KIF4A: variants seen among roughly 807,000 people sequenced by gnomAD.
KIF4A encodes the protein kinesin family member 4A.
In KIF4A, 7 loss-of-function variants were observed where a neutral mutation model predicts 105.9. The observed-to-expected ratio is 0.07, with a 90% CI of 0.04 to 0.12. KIF4A has a LOEUF of 0.12. Among genes scored for constraint, KIF4A ranks in the 10% least tolerant of loss-of-function variants. The probability of loss-of-function intolerance (pLI) is 1.00; values close to 1 mark genes in which losing one functional copy is unlikely to be tolerated. For missense variants in KIF4A, 558 were observed against 929.2 expected (o/e 0.60, Z 5.19); for synonymous variants, 281 against 331.3 (o/e 0.85, Z 1.65).
chrX:70,343,135 T>C (rs745784409), intron 11 of KIF4A, among the ~76,000 whole-genome samples: 1 of 111,623 alleles, frequency 9.0e-6, no homozygotes, highest in African/African-American at 3.2e-5. Context: ...GTACCCTTTT[T>C]CTTGCTGTCT....
intron 15 of KIF4A, among the ~76,000 whole-genome samples, chrX:70,357,881 G>C (rs894230251): frequency 9.1e-6 from 1 of 110,419 alleles, no homozygotes; most frequent in Non-Finnish European, 1.9e-5. Flanking sequence ...CCTTGGTATG[G>C]TTTCCTGTTG....
At chrX:70,353,545 G>A (rs1370697625) in intron 14 of KIF4A, 77 bp from the exon 15 acceptor site, 32 of 883,692 alleles carry the variant, frequency 3.6e-5, no homozygotes, top group Non-Finnish European at 4.8e-5. Context: ...AAGTGCCTGT[G>A]AGACTTGATG....
chrX:70,307,186 A>T (rs1387682102), intron 7 of KIF4A, among the ~76,000 whole-genome samples: 2 of 110,307 alleles, frequency 1.8e-5, no homozygotes, highest in African/African-American at 3.3e-5. Context: ...TAATTTTCAG[A>T]GTATAAGTTT....
At chrX:70,311,530 C>CATG (rs1219768419) in intron 7 of KIF4A, among the ~76,000 whole-genome samples, 5 of 112,182 alleles carry the variant, frequency 4.5e-5, no homozygotes, top group Non-Finnish European at 9.4e-5. Context: ...GAAGTTTCAG[C>CATG]AATGACTAAT....
chrX:70,405,725 C>A, intron 25 of KIF4A, 103 bp from the exon 26 acceptor site: 4 of 586,806 alleles, frequency 6.8e-6, no homozygotes. Context: ...CCATCTGCTG[C>A]CAGCAACTTG....
At chrX:70,364,674 T>A (rs927400798) in intron 15 of KIF4A, among the ~76,000 whole-genome samples, 2 of 112,023 alleles carry the variant, frequency 1.8e-5, no homozygotes, top group Middle Eastern at 4.6e-3. Context: ...TCAGGTAGCA[T>A]GATACCTCCA....
At chrX:70,398,932 C>G (rs1411182307) in intron 22 of KIF4A, among the ~76,000 whole-genome samples, 1 of 111,880 alleles carries the variant, frequency 8.9e-6, no homozygotes, top group Non-Finnish European at 1.9e-5. Context: ...AAAGTGCTGA[C>G]ACCCTAGGCT....
chrX:70,397,623 C>G (rs2086265169), intron 22 of KIF4A, among the ~76,000 whole-genome samples: 2 of 111,826 alleles, frequency 1.8e-5, no homozygotes, highest in Admixed American at 1.9e-4. Flanking sequence ...GCTACACAGG[C>G]TCTTCTAATC....
chrX:70,304,112 G>A (rs146384962), intron 7 of KIF4A, among the ~76,000 whole-genome samples: 1,342 of 69,050 alleles, frequency 0.019, 19 homozygotes, highest in Non-Finnish European at 0.029. Flanking sequence ...ACAACAGTCC[G>A]CAGAGTGTGA....
chrX:70,292,966 C>G (rs1049574222), intron 3 of KIF4A, among the ~76,000 whole-genome samples: 3 of 112,364 alleles, frequency 2.7e-5, no homozygotes, highest in African/African-American at 9.7e-5. Context: ...ACAGCACCCT[C>G]TTGTACTCTG....
At chrX:70,293,263 T>C (rs745379055) in intron 3 of KIF4A, among the ~76,000 whole-genome samples, 1 of 112,641 alleles carries the variant, frequency 8.9e-6, no homozygotes, top group African/African-American at 3.2e-5. Context: ...TCCTTCAGAC[T>C]GCAAAATTAT....
intron 28 of KIF4A, among the ~76,000 whole-genome samples, chrX:70,408,100 C>G (rs1209436761): frequency 1.8e-5 from 2 of 110,048 alleles, no homozygotes; most frequent in African/African-American, 6.6e-5. Context: ...GAGATATTTA[C>G]TATTTGCATT....
intron 22 of KIF4A, 180 bp downstream of exon 22, chrX:70,396,229 A>G: frequency 2.6e-6 from 1 of 389,019 alleles, no homozygotes; most frequent in East Asian, 4.1e-5. Flanking sequence ...AATCCCTTTG[A>G]TGCCTTATGA....
intron 25 of KIF4A, 48 bp from the exon 26 acceptor site, chrX:70,405,780 T>C: frequency 8.5e-6 from 8 of 939,789 alleles, no homozygotes; most frequent in Non-Finnish European, 1.2e-5. Flanking sequence ...GTAACCCACA[T>C]GTAGTGCCCA....
chrX:70,378,920 G>T (rs1394883015), intron 18 of KIF4A, among the ~76,000 whole-genome samples: 2 of 110,203 alleles, frequency 1.8e-5, no homozygotes, highest in African/African-American at 6.6e-5. Context: ...ACTTTGGGAG[G>T]CTGAGGCAGG....
At chrX:70,372,854 G>A (rs2086145952) in intron 15 of KIF4A, among the ~76,000 whole-genome samples, 1 of 112,809 alleles carries the variant, frequency 8.9e-6, no homozygotes, top group Non-Finnish European at 1.9e-5. Context: ...ACCCTGTGAG[G>A]TAGGTGTTAT....
intron 11 of KIF4A, among the ~76,000 whole-genome samples, chrX:70,343,007 T>C (rs2085978139): frequency 8.9e-6 from 1 of 112,452 alleles, no homozygotes; most frequent in African/African-American, 3.2e-5. Flanking sequence ...AGATCTGTTA[T>C]AGTATCCAGC....
At chrX:70,331,544 A>T (rs190592076) in intron 9 of KIF4A, among the ~76,000 whole-genome samples, 197 of 111,777 alleles carry the variant, frequency 1.8e-3, no homozygotes, top group Middle Eastern at 0.014. Flanking sequence ...GCTAAAAAAA[A>T]ATGTTGACAC....
chrX:70,357,083 G>A (rs1050467562), intron 15 of KIF4A, among the ~76,000 whole-genome samples: 1 of 111,212 alleles, frequency 9.0e-6, no homozygotes, highest in Non-Finnish European at 1.9e-5. Context: ...GGGAGCCCGA[G>A]GCGGGCGGAT....
Sources: allele counts gnomAD v4.1 joint callset (sites outside exome capture counted in the v4.1 genomes callset), GRCh38; gene constraint gnomAD v4.1.1; transcripts MANE v1.5; gene names NCBI Gene and HGNC (gene_info 2026-07-23, HGNC 2026-07-21).